The following CYYR1 variants were observed in gnomAD, a reference collection of about 807,000 sequenced individuals.
The protein encoded by CYYR1 is cysteine and tyrosine rich 1.
In CYYR1, 14 loss-of-function variants were observed where a neutral mutation model predicts 15.2. That is an observed-to-expected ratio of 0.92 (90% confidence interval 0.61 to 1.44). The LOEUF is 1.44. CYYR1 is among the 40% of genes most tolerant of loss of function. The probability of loss-of-function intolerance (pLI) is 0.00; values close to 1 mark genes in which losing one functional copy is unlikely to be tolerated. For synonymous variants in CYYR1, 80 were observed against 77.4 expected (o/e 1.03, Z -0.18); for missense variants, 228 against 209.5 (o/e 1.09, Z -0.54).
At chr21:26,508,778 C>A (rs1332497357) in intron 2 of CYYR1, among the ~76,000 whole-genome samples, 1 of 151,908 alleles carries the variant, frequency 6.6e-6, no homozygotes, top group African/African-American at 2.4e-5. Flanking sequence ...AAGATCCTTG[C>A]AAGGATCTAT....
At chr21:26,489,557 T>C (rs530838139) in intron 2 of CYYR1, among the ~76,000 whole-genome samples, 1 of 151,864 alleles carries the variant, frequency 6.6e-6, no homozygotes, top group African/African-American at 2.4e-5. Flanking sequence ...TACATGCACA[T>C]ACATATTGTT....
At chr21:26,521,079 C>A (rs113503931) in intron 2 of CYYR1, among the ~76,000 whole-genome samples, 3,199 of 152,214 alleles carry the variant, frequency 0.021, 46 homozygotes, top group African/African-American at 0.033. Flanking sequence ...CTAATGCATG[C>A]GGGGCTTACT....
intron 2 of CYYR1, among the ~76,000 whole-genome samples, chr21:26,558,772 C>A (rs956167132): frequency 1.3e-5 from 2 of 152,196 alleles, no homozygotes; most frequent in African/African-American, 4.8e-5. Flanking sequence ...CTTCACACAG[C>A]ATTATTCGTT....
In CYYR1 at chr21:26,538,260, A is replaced by AGGTG. The variant is rs570848045; in HGVS notation, c.176+28002_176+28005dup. 7.9e-5 allele frequency among the ~76,000 whole-genome samples: 12 copies of AGGTG among 152,308 alleles called. No homozygotes were observed. In the South Asian group the frequency reaches 2.3e-3, roughly 29 times the overall value. On this transcript the variant is annotated intron_variant, in intron 2 of 3. Coordinates refer to ENST00000652641, the MANE Select transcript of CYYR1 (RefSeq NM_001320768.2). Reference sequence around the variant, plus strand: ...TGGAAGTTGGAAAGTATTTACTAAGAGGTGGTATAGTGGATAAAATTCCAC... The same window carrying AGGTG: ...TGGAAGTTGGAAAGTATTTACTAAGAGGTGGGTGGTATAGTGGATAAAATTCCAC...
chr21:26,493,437 G>A (rs192821657), intron 2 of CYYR1, among the ~76,000 whole-genome samples: 2 of 152,298 alleles, frequency 1.3e-5, no homozygotes, highest in African/African-American at 2.4e-5. Context: ...AGGAAAGAAG[G>A]TGGGGAGAAA....
chr21:26,488,463 G>A (rs962405335), intron 2 of CYYR1, among the ~76,000 whole-genome samples: 1 of 152,008 alleles, frequency 6.6e-6, no homozygotes, highest in East Asian at 1.9e-4. Context: ...TATGTTGCCA[G>A]GCTGGTCTCC....
rs1394867345 is a variant in CYYR1, at chr21:26,508,510, G to T, written c.177-28081C>A. 2.6e-5 allele frequency among the ~76,000 whole-genome samples: 4 copies of T among 152,250 alleles called. No homozygotes were observed. The East Asian group carries it at 7.7e-4, about 29-fold the overall frequency. ...TGCGGTTTCTGACTTAAGCTATTGT[G>T]GTAATGGGGGCTTTCTGAATGGAGT... On this transcript the variant is annotated intron_variant, in intron 2 of 3. Coordinates refer to ENST00000652641, the MANE Select transcript of CYYR1 (RefSeq NM_001320768.2).
intron 2 of CYYR1, chr21:26,551,749 C>A: frequency 4.9e-6 from 1 of 205,466 alleles, no homozygotes; most frequent in Non-Finnish European, 9.7e-6. Flanking sequence ...GAATCTATTC[C>A]TGGTGAAAAT....
chr21:26,514,527 CT>C (rs2065695227), intron 2 of CYYR1, among the ~76,000 whole-genome samples: 1 of 152,226 alleles, frequency 6.6e-6, no homozygotes. Flanking sequence ...TGTCATGCTT[CT>C]TTTATTGCCT....
At chr21:26,483,003 T>C (rs1314310470) in intron 2 of CYYR1, among the ~76,000 whole-genome samples, 1 of 152,036 alleles carries the variant, frequency 6.6e-6, no homozygotes, top group African/African-American at 2.4e-5. Flanking sequence ...CACTATTTTC[T>C]GTATTCTTCC....
chr21:26,556,876 A>T (rs1979826189), intron 2 of CYYR1, among the ~76,000 whole-genome samples: 1 of 152,162 alleles, frequency 6.6e-6, no homozygotes, highest in African/African-American at 2.4e-5. Flanking sequence ...ACAGCAGGGA[A>T]TCAAATCCAG....
intron 2 of CYYR1, among the ~76,000 whole-genome samples, chr21:26,490,477 T>C (rs527655041): frequency 1.1e-4 from 17 of 152,222 alleles, no homozygotes; most frequent in African/African-American, 3.6e-4. Context: ...TAGAAGACTA[T>C]GACAAGACAA....
intron 2 of CYYR1, among the ~76,000 whole-genome samples, chr21:26,489,586 T>C (rs1569144761): frequency 2.0e-5 from 3 of 151,764 alleles, no homozygotes; most frequent in African/African-American, 7.3e-5. Context: ...GTATAATATA[T>C]ATAATATAAG....
At chr21:26,477,315 C>T (rs1269607278) in intron 3 of CYYR1, among the ~76,000 whole-genome samples, 1 of 152,062 alleles carries the variant, frequency 6.6e-6, no homozygotes, top group Non-Finnish European at 1.5e-5. Flanking sequence ...TTAATTAGCG[C>T]CTTTGAGAAG....
chr21:26,560,385 T>C (rs1380504938), intron 2 of CYYR1, among the ~76,000 whole-genome samples: 1 of 152,142 alleles, frequency 6.6e-6, no homozygotes, highest in Non-Finnish European at 1.5e-5. Flanking sequence ...AGCAATTTAC[T>C]TTCTTCCTTT....
chr21:26,481,696 G>A (rs2065183269), intron 2 of CYYR1, among the ~76,000 whole-genome samples: 1 of 151,930 alleles, frequency 6.6e-6, no homozygotes, highest in South Asian at 2.1e-4. Flanking sequence ...ACATTTGCAT[G>A]CATGTGTCTT....
At chr21:26,565,267 A>G (rs1206037871) in intron 2 of CYYR1, among the ~76,000 whole-genome samples, 2 of 152,160 alleles carry the variant, frequency 1.3e-5, no homozygotes, top group African/African-American at 4.8e-5. Context: ...GAAATGGAGG[A>G]TGTGTAACAA....
chr21:26,547,318 T>C (rs1368477083), intron 2 of CYYR1, among the ~76,000 whole-genome samples: 1 of 152,010 alleles, frequency 6.6e-6, no homozygotes, highest in East Asian at 1.9e-4. Context: ...AAAAAAACAA[T>C]TACCTATGAT....
At chr21:26,528,737 A>G (rs2065895540) in intron 2 of CYYR1, among the ~76,000 whole-genome samples, 1 of 152,226 alleles carries the variant, frequency 6.6e-6, no homozygotes, top group Non-Finnish European at 1.5e-5. Flanking sequence ...GACTCAGTTC[A>G]ATCTATTGGA....
Sources: allele counts gnomAD v4.1 joint callset (sites outside exome capture counted in the v4.1 genomes callset), GRCh38; gene constraint gnomAD v4.1.1; transcripts MANE v1.5; gene names NCBI Gene and HGNC (gene_info 2026-07-23, HGNC 2026-07-21).